ESS2: variants seen among roughly 807,000 people sequenced by gnomAD.
ESS2 encodes the protein ess-2 spliceosome associated protein.
A neutral mutation model predicts 52.0 loss-of-function variants in ESS2; 31 were observed. That is an observed-to-expected ratio of 0.60 (90% CI 0.45 to 0.81). ESS2 has a LOEUF of 0.81. ESS2 is among the 30% of genes least tolerant of loss of function. The pLI, the probability that ESS2 is intolerant of heterozygous loss-of-function variation, is 0.00. For missense variants in ESS2, 602 were observed against 637.2 expected (o/e 0.94, Z 0.59); for synonymous variants, 285 against 259.2 (o/e 1.10, Z -0.95).
At position 19,134,626 on chromosome 22, in the gene ESS2, G is replaced by A. The variant is rs997007508; in HGVS notation, c.1152-151C>T. ...GTACTGCCAGCATGGCAGCAAATGC[G>A]GGGGATCCCTGAGGTCAAACAGCAG... On this transcript the variant is annotated intron_variant, in intron 9 of 9. Transcript: ENST00000252137. 5 of 839,632 alleles carry A rather than the reference G, an allele frequency of 6.0e-6. No homozygotes were observed. The Admixed American group carries it at 1.4e-4, about 24-fold the overall frequency. 52.0% of individuals were successfully genotyped at this position (839,632 alleles called of 1,614,324 possible). A position where few individuals can be genotyped will look rare whatever the true frequency, so the allele number is the denominator to read the frequency against.
At position 19,132,825 on chromosome 22, in the gene ESS2, G is replaced by A. The variant is rs1428957078; in HGVS notation, c.*1371C>T. On this transcript the variant is annotated 3_prime_UTR_variant, in exon 10 of 10. Coordinates refer to ENST00000252137, the MANE Select transcript of ESS2 (RefSeq NM_022719.3). The surrounding 1 kb of genome is among the most constrained non-coding windows in gnomAD (Gnocchi z 4.2). The stretch of plus-strand genomic sequence containing the variant: ...TCAGGTACAGGCAGAATCACAGTGT[G>A]GCCTGGCCTTGTGGGGGACAAGAGG... 2.8e-5 allele frequency: 7 copies of A among 254,266 alleles called. No individual in the cohort carries two copies. The South Asian group carries it at 3.6e-4, about 13-fold the overall frequency. 15.8% of individuals were successfully genotyped at this position (254,266 alleles called of 1,614,324 possible). A position where few individuals can be genotyped will look rare whatever the true frequency, so the allele number is the denominator to read the frequency against.
chr22:19,142,813 C>G lies in ESS2; in HGVS notation c.217G>C (p.Glu73Gln), dbSNP rs766906980. The G allele has an allele frequency of 1.2e-6, 2 of 1,614,176 alleles. No individual in the cohort carries two copies. Among genetic ancestry groups the G allele is most frequent in the Admixed American group, 1.7e-5 (1 of 60,026 alleles). Residue 73 changes from glutamate to glutamine, a missense_variant, in exon 2 of 10, where the codon GAG becomes CAG. Coordinates refer to ENST00000252137, the MANE Select transcript of ESS2 (RefSeq NM_022719.3). Reference protein sequence around the residue: ...QAQKEYLEAEENGDLERMRQI... With the variant: ...QAQKEYLEAEQNGDLERMRQI... ...CGCATCCGTTCCAAGTCTCCATTCT[C>G]CTCGGCTTCCAGGTACTCCTTCTGT...
chr22:19,144,227 G>A, intron 1 of ESS2: 2 of 1,206,934 alleles, frequency 1.7e-6, no homozygotes, highest in South Asian at 2.8e-5. Context: ...CTTCCAGTTT[G>A]TCAAACTCCT....
chr22:19,138,500 A>C (rs1488388702), intron 6 of ESS2, 183 bp from the exon 7 acceptor site: 2 of 716,860 alleles, frequency 2.8e-6, no homozygotes, highest in Non-Finnish European at 5.1e-6. Flanking sequence ...CCCCCAAAAG[A>C]CCTTGAGGGC....
Position 19,139,552 on chromosome 22 carries a change from G to A in ESS2, c.688+60C>T. ...CACCTGGAAGGCTGCTCCAAACACA[G>A]CCAGACACACACAGCTCTACCCAAC... On this transcript the variant is annotated intron_variant, in intron 5 of 9. Coordinates refer to ENST00000252137, the MANE Select transcript of ESS2 (RefSeq NM_022719.3). 2.6e-6 allele frequency: 4 copies of A among 1,519,830 alleles called. No homozygotes were observed. In the South Asian group the frequency reaches 3.4e-5, roughly 13 times the overall value. The allele number at this position is 1,519,830 out of a possible 1,614,324, so 94.1% of individuals were successfully genotyped here.
In ESS2 at chr22:19,131,360, G is replaced by A. The variant is rs1032929322; in HGVS notation, c.*2836C>T. On this transcript the variant is annotated 3_prime_UTR_variant, in exon 10 of 10. Coordinates refer to ENST00000252137, the MANE Select transcript of ESS2 (RefSeq NM_022719.3). The surrounding 1 kb of genome is among the most constrained non-coding windows in gnomAD (Gnocchi z 5.7). The stretch of plus-strand genomic sequence containing the variant: ...CAATGCCTGCTGGCCCACATGACGG[G>A]GGGATGTAGACGGCAGCGGCGCCAG... The A allele has an allele frequency of 9.2e-6, 14 of 1,524,636 alleles. No homozygotes were observed. Among genetic ancestry groups the A allele is most frequent in the East Asian group, 4.5e-5 (2 of 44,310 alleles). 94.4% of individuals were successfully genotyped at this position (1,524,636 alleles called of 1,614,324 possible).
At position 19,139,889 on chromosome 22, in the gene ESS2, G is replaced by A; in HGVS notation, c.536C>T (p.Ala179Val). The part of the protein sequence containing the change: ...VAKERSRARH[A>V]WLYQAEEEFE... ...CTCTTCCTCAGCCTGGTAGAGCCAA[G>A]CGTGGCGTGCCCGGCTTCTCTCCTT... Residue 179 changes from alanine (A) to valine (V), a missense_variant, in exon 4 of 10, where the codon GCT becomes GTT. By Grantham distance (64) the Ala-to-Val change is moderately conservative. Coordinates refer to ENST00000252137, the MANE Select transcript of ESS2 (RefSeq NM_022719.3). 6.2e-7 allele frequency: 1 copy of A among 1,614,166 alleles called. No individual in the cohort carries two copies. The highest frequency in any genetic ancestry group is 8.5e-7 in the Non-Finnish European group (1 of 1,180,016).
At position 19,142,550 on chromosome 22, in the gene ESS2, C is replaced by T. The variant is rs71328292; in HGVS notation, c.388G>A (p.Gly130Ser). 1 of 1,606,698 alleles carries T rather than the reference C, an allele frequency of 6.2e-7. No individual in the cohort carries two copies. Among genetic ancestry groups the T allele is most frequent in the Non-Finnish European group, 8.5e-7 (1 of 1,177,252 alleles). Residue 130 changes from glycine to serine, a missense_variant, in exon 3 of 10, where the codon GGC becomes AGC. Physicochemically the swap from Gly to Ser is moderately conservative, Grantham distance 56. Transcript: ENST00000252137. Reference protein sequence around the residue: ...VGNKPRPRGRGLEDGEAGEEE... With the variant: ...VGNKPRPRGRSLEDGEAGEEE... ...CACCCTCACTCACCATCCTCCAGGC[C>T]TCGGCCGCGGGGCCTGGGCTTGTTG...
rs1392408287 is a variant in ESS2, at chr22:19,133,033, A to G, written c.*1163T>C. On this transcript the variant is annotated 3_prime_UTR_variant, in exon 10 of 10. Coordinates refer to ENST00000252137, the MANE Select transcript of ESS2 (RefSeq NM_022719.3). ...TCGCTCAGCATCCTCCTCTTCCTCTATTTCCTGGAGTCATGTGAGATTTCT... is the reference window on the plus strand; with the variant it reads ...TCGCTCAGCATCCTCCTCTTCCTCTGTTTCCTGGAGTCATGTGAGATTTCT... The G allele has an allele frequency of 1.3e-5, 2 of 151,932 alleles. No individual in the cohort carries two copies. The highest frequency in any genetic ancestry group is 2.9e-5 in the Non-Finnish European group (2 of 68,656). 9.4% of individuals were successfully genotyped at this position (151,932 alleles called of 1,614,324 possible). A position where few individuals can be genotyped will look rare whatever the true frequency, so the allele number is the denominator to read the frequency against.
intron 8 of ESS2, 108 bp downstream of exon 8, chr22:19,137,215 G>C: frequency 2.6e-6 from 2 of 774,256 alleles, no homozygotes; most frequent in Admixed American, 2.7e-5. Flanking sequence ...CACTCTGCCC[G>C]TCAGCAGCTG....
At chr22:19,137,942 A>G (rs1051308096) in intron 7 of ESS2, 23 of 985,022 alleles carry the variant, frequency 2.3e-5, no homozygotes, top group Non-Finnish European at 2.4e-5. Context: ...ACACACCCCC[A>G]CCCACTGACA....
chr22:19,134,452 G>A lies in ESS2; in HGVS notation c.1175C>T (p.Pro392Leu). The part of the protein sequence containing the change: ...LASLTPKGLS[P>L]AMSPALQRLV... ...GCGCTGTAGGGCTGGCGACATGGCT[G>A]GGCTCAGGCCTTTGGGGGTGAGGCT... The change falls in exon 10 of 10, where the codon CCA (proline) becomes CTA (leucine). Residue 392 changes from proline (P) to leucine (L), a missense_variant. Pro to Leu is a moderately conservative substitution (Grantham distance 98). Transcript: ENST00000252137. 1 of 1,581,512 alleles carries A rather than the reference G, an allele frequency of 6.3e-7. No homozygotes were observed. The highest frequency in any genetic ancestry group is 8.6e-7 in the Non-Finnish European group (1 of 1,161,192).
chr22:19,144,332 T>C lies in ESS2; in HGVS notation c.135+174A>G, dbSNP rs539218797. On this transcript the variant is annotated intron_variant, in intron 1 of 9. Coordinates refer to ENST00000252137, the MANE Select transcript of ESS2 (RefSeq NM_022719.3). The stretch of plus-strand genomic sequence containing the variant: ...TCCCTGACAACACTACTACAGCCTC[T>C]TCCACCACAGACGTCTTCCTCTGCC... The C allele has an allele frequency of 2.4e-3, 3,335 of 1,417,850 alleles. 7 individuals are homozygous for C. Among genetic ancestry groups the C allele is most frequent in the Non-Finnish European group, 2.3e-3 (2,485 of 1,083,510 alleles). 87.8% of individuals were successfully genotyped at this position (1,417,850 alleles called of 1,614,324 possible).
At position 19,132,435 on chromosome 22, in the gene ESS2, C is replaced by G; in HGVS notation, c.*1761G>C. The G allele has an allele frequency of 6.2e-7, 1 of 1,612,552 alleles. No individual in the cohort carries two copies. Among genetic ancestry groups the G allele is most frequent in the East Asian group, 2.2e-5 (1 of 44,854 alleles). ...GGCCGAGACCTCCAGGGCCAAAGAC[C>G]ATCACATCTCCGGAGCTGAGGTGGG... On this transcript the variant is annotated 3_prime_UTR_variant, in exon 10 of 10. Coordinates refer to ENST00000252137, the MANE Select transcript of ESS2 (RefSeq NM_022719.3). This position sits in a 1 kb window ranked among gnomAD's most constrained non-coding sequence, Gnocchi z 4.2.
At chr22:19,137,232 G>T (rs1449299391) in intron 8 of ESS2, 91 bp downstream of exon 8, 1 of 896,194 alleles carries the variant, frequency 1.1e-6, no homozygotes, top group Non-Finnish European at 1.7e-6. Flanking sequence ...GCTGGGGGCC[G>T]ATCCCAGTGC....
At chr22:19,144,108 A>G (rs2083742890) in intron 1 of ESS2, 1 of 1,017,836 alleles carries the variant, frequency 9.8e-7, no homozygotes, top group Non-Finnish European at 1.2e-6. Context: ...TGGTGGGGCG[A>G]CGCAGGTCCA....
In ESS2 at chr22:19,132,133, G is replaced by A. The variant is rs753184814; in HGVS notation, c.*2063C>T. ...CGCTCCAAGAACCTGACCTGCGAGT[G>A]CAAGGACCTCATCTACCGCATGCTG... On this transcript the variant is annotated 3_prime_UTR_variant, in exon 10 of 10. Coordinates refer to ENST00000252137, the MANE Select transcript of ESS2 (RefSeq NM_022719.3). This position sits in a 1 kb window ranked among gnomAD's most constrained non-coding sequence, Gnocchi z 4.2. 2 of 1,612,894 alleles carry A rather than the reference G, an allele frequency of 1.2e-6. No individual in the cohort carries two copies. The highest frequency in any genetic ancestry group is 2.2e-5 in the East Asian group (1 of 44,832).
Position 19,134,024 on chromosome 22 carries a change from G to A in ESS2, c.*172C>T, listed in dbSNP as rs1375619521. On this transcript the variant is annotated 3_prime_UTR_variant, in exon 10 of 10. Coordinates refer to ENST00000252137, the MANE Select transcript of ESS2 (RefSeq NM_022719.3). Reference sequence around the variant, plus strand: ...AGGCCCTGGGGTGTGGTGTGGGCACGAGTGCCTTGTGCCAGTCTGGCCCCA... The same window carrying A: ...AGGCCCTGGGGTGTGGTGTGGGCACAAGTGCCTTGTGCCAGTCTGGCCCCA... The A allele has an allele frequency of 1.4e-6, 1 of 724,480 alleles. No homozygotes were observed. The highest frequency in any genetic ancestry group is 2.0e-6 in the Non-Finnish European group (1 of 512,272). The allele number at this position is 724,480 out of a possible 1,614,324, so 44.9% of individuals were successfully genotyped here. A position where few individuals can be genotyped will look rare whatever the true frequency, so the allele number is the denominator to read the frequency against.
chr22:19,138,163 C>T, intron 7 of ESS2, 52 bp downstream of exon 7: 2 of 1,609,110 alleles, frequency 1.2e-6, no homozygotes, highest in Non-Finnish European at 1.7e-6. Flanking sequence ...AAGCCCACCT[C>T]CCCCAGGGAG....
Sources: gnomAD v4.1 joint callset for allele counts on GRCh38, gnomAD v4.1.1 for gene constraint, Gnocchi (gnomAD v3.1) non-coding constraint, MANE v1.5 for transcripts, NCBI Gene and HGNC (gene_info 2026-07-23, HGNC 2026-07-21) for gene names.